Variants in SMYD3 observed in about 807,000 individuals in gnomAD.
The protein encoded by SMYD3 is histone-lysine N-methyltransferase SMYD3.
Under a neutral mutation model 57.7 loss-of-function variants are expected in SMYD3, and 36 were observed. The observed-to-expected ratio is 0.62, with a 90% confidence interval of 0.48 to 0.82. The LOEUF is 0.82. Ranked by LOEUF, SMYD3 falls within the 40% of genes least tolerant of loss-of-function variation. SMYD3 has a pLI of 0.00. For missense variants in SMYD3, 515 were observed against 538.8 expected, an observed-to-expected ratio of 0.96 and a Z score of 0.44; for synonymous variants, 211 against 195.0, an observed-to-expected ratio of 1.08 and a Z score of -0.68.
At chr1:246,218,866 T>G (rs4997394) in intron 5 of SMYD3, among the ~76,000 whole-genome samples, 26,998 of 152,152 alleles carry the variant, frequency 0.18, 2,786 homozygotes, top group East Asian at 0.34. Context: ...CATTCAGGAA[T>G]ATCATAGCAA....
At chr1:246,339,513 A>ATCC (rs200822032) in intron 2 of SMYD3, among the ~76,000 whole-genome samples, 4,785 of 152,294 alleles carry the variant, frequency 0.031, 95 homozygotes, top group Non-Finnish European at 0.04. Context: ...GTCTGAAAAG[A>ATCC]ACTGAGAAGC....
intron 11 of SMYD3, among the ~76,000 whole-genome samples, chr1:245,750,262 A>G (rs748666184): frequency 2.6e-5 from 4 of 152,148 alleles, no homozygotes; most frequent in Non-Finnish European, 5.9e-5. Flanking sequence ...AAAGCAACTG[A>G]CTTGTGAGAC....
chr1:246,228,810 A>G (rs1401709783), intron 5 of SMYD3, among the ~76,000 whole-genome samples: 1 of 144,680 alleles, frequency 6.9e-6, no homozygotes, highest in Non-Finnish European at 1.5e-5. Context: ...TTTTTCTAAA[A>G]GAAGCCTTCT....
chr1:246,287,626 T>C (rs2064596569), intron 5 of SMYD3, among the ~76,000 whole-genome samples: 1 of 152,198 alleles, frequency 6.6e-6, no homozygotes, highest in Admixed American at 6.5e-5. Flanking sequence ...AATACTATTC[T>C]TGAAGTATAG....
chr1:246,001,970 G>T (rs2059057216), intron 5 of SMYD3, among the ~76,000 whole-genome samples: 1 of 152,022 alleles, frequency 6.6e-6, no homozygotes, highest in Non-Finnish European at 1.5e-5. Flanking sequence ...GGTTCTGGGC[G>T]ATCCCCAAGA....
At chr1:245,845,831 T>A (rs564592699) in intron 10 of SMYD3, among the ~76,000 whole-genome samples, 5 of 152,384 alleles carry the variant, frequency 3.3e-5, no homozygotes, top group African/African-American at 1.2e-4. Context: ...AGACTATTTC[T>A]GAGTGGAATA....
At chr1:245,867,516 T>C (rs2051923042) in intron 8 of SMYD3, among the ~76,000 whole-genome samples, 1 of 152,144 alleles carries the variant, frequency 6.6e-6, no homozygotes, top group African/African-American at 2.4e-5. Flanking sequence ...ATTTATTCCA[T>C]TAACACTTAC....
chr1:246,222,279 T>A (rs1236618099), intron 5 of SMYD3, among the ~76,000 whole-genome samples: 1 of 152,184 alleles, frequency 6.6e-6, no homozygotes, highest in Admixed American at 6.5e-5. Context: ...TTCACATTCA[T>A]CTGATTATCA....
In SMYD3 at chr1:245,812,699, TC is replaced by T. The variant is rs200260247; in HGVS notation, c.1076+45796del. Among the ~76,000 whole-genome samples the T allele has an allele frequency of 5.1e-4, 9 of 17,486 alleles. 1 individual carries two copies. The East Asian group carries it at 0.014, about 26-fold the overall frequency. The allele number at this position is 17,486 out of a possible 152,430, so 11.5% of individuals were successfully genotyped here. On this transcript the variant is annotated intron_variant, in intron 10 of 11. Transcript: ENST00000490107. ...CAAATTCTTACTTCTAAACAACAGT[TC>T]CAAAAAAAAAAAAAAAGAGAAAGAG...
At chr1:246,332,599 A>G (rs917481316) in intron 3 of SMYD3, among the ~76,000 whole-genome samples, 2 of 152,232 alleles carry the variant, frequency 1.3e-5, no homozygotes, top group Non-Finnish European at 2.9e-5. Context: ...TGAGGTCAGG[A>G]GCTCGAGACC....
intron 5 of SMYD3, among the ~76,000 whole-genome samples, chr1:246,019,712 AT>A (rs1433010102): frequency 6.6e-6 from 1 of 152,212 alleles, no homozygotes; most frequent in Non-Finnish European, 1.5e-5. Flanking sequence ...GAAAAATGTA[AT>A]TATTAATTTA....
At chr1:245,841,445 A>C (rs891100118) in intron 10 of SMYD3, among the ~76,000 whole-genome samples, 1 of 152,146 alleles carries the variant, frequency 6.6e-6, no homozygotes, top group African/African-American at 2.4e-5. Flanking sequence ...TTCCTCCATG[A>C]CCTACTGGCC....
intron 1 of SMYD3, among the ~76,000 whole-genome samples, chr1:246,466,052 G>T (rs553623434): frequency 2.0e-5 from 3 of 152,220 alleles, no homozygotes; most frequent in Non-Finnish European, 4.4e-5. Context: ...GATTAGAGGC[G>T]TGAGCCACTG....
intron 5 of SMYD3, among the ~76,000 whole-genome samples, chr1:246,088,461 T>A (rs1453415853): frequency 7.2e-6 from 1 of 139,602 alleles, no homozygotes; most frequent in Non-Finnish European, 1.5e-5. Flanking sequence ...TACAAAAAAA[T>A]TAGCCGGGCG....
chr1:245,892,118 C>CA (rs2053424849), intron 8 of SMYD3, among the ~76,000 whole-genome samples: 1 of 151,648 alleles, frequency 6.6e-6, no homozygotes, highest in African/African-American at 2.4e-5. Flanking sequence ...GCACTAGGCA[C>CA]AAAAAAAGGG....
intron 5 of SMYD3, among the ~76,000 whole-genome samples, chr1:246,085,904 T>C (rs1160281297): frequency 2.6e-5 from 4 of 152,068 alleles, no homozygotes; most frequent in Non-Finnish European, 2.9e-5. Flanking sequence ...ATTTGCATTA[T>C]AGATAAAAAT....
intron 1 of SMYD3, among the ~76,000 whole-genome samples, chr1:246,423,246 G>A (rs1378764876): frequency 2.0e-5 from 3 of 149,554 alleles, no homozygotes; most frequent in African/African-American, 4.9e-5. Flanking sequence ...GCAGTGAGCC[G>A]AGATCGCGCC....
chr1:245,949,826 C>CG (rs1221320383), intron 5 of SMYD3, among the ~76,000 whole-genome samples: 8 of 38,490 alleles, frequency 2.1e-4, no homozygotes, highest in Non-Finnish European at 1.8e-3. Flanking sequence ...AAGAAACCCA[C>CG]CCCCCCCACC....
At chr1:246,143,126 TACACACACACACACACAC>T (rs370332515) in intron 5 of SMYD3, among the ~76,000 whole-genome samples, 7 of 146,110 alleles carry the variant, frequency 4.8e-5, no homozygotes, top group Admixed American at 2.7e-4. Flanking sequence ...GTATATTTAA[TACACACACACACACACAC>T]ACACACACAC....
Sources: allele counts gnomAD v4.1 joint callset (sites outside exome capture counted in the v4.1 genomes callset), GRCh38; gene constraint gnomAD v4.1.1; transcripts MANE v1.5; gene names NCBI Gene and HGNC (gene_info 2026-07-23, HGNC 2026-07-21).